Variants in SH2B2 observed in about 807,000 individuals in gnomAD.
The protein encoded by SH2B2 is SH2B adaptor protein 2, also known as SH2B adapter protein 2.
Under a neutral mutation model 35.7 loss-of-function variants are expected in SH2B2, and 37 were observed. The ratio of observed to expected loss-of-function variants is 1.04; its 90% CI spans 0.80 to 1.36. The LOEUF (loss-of-function observed/expected upper bound fraction) is 1.36, where lower values mean the gene tolerates loss of function less well. Among genes scored for constraint, SH2B2 ranks in the 40% most tolerant of loss-of-function variants. The probability of loss-of-function intolerance (pLI) is 0.00; values close to 1 mark genes in which losing one functional copy is unlikely to be tolerated. For synonymous variants in SH2B2, 383 were observed against 376.4 expected (o/e 1.02, Z -0.20); for missense variants, 852 against 817.7 (o/e 1.04, Z -0.51).
chr7:102,290,405 C>T (rs1792632386), intron 1 of SH2B2, among the ~76,000 whole-genome samples: 1 of 152,150 alleles, frequency 6.6e-6, no homozygotes, highest in African/African-American at 2.4e-5. Flanking sequence ...GCTGGGGTTA[C>T]AGGTGTGCAC....
Position 102,300,927 on chromosome 7 carries a change from C to A in SH2B2, c.377C>A (p.Ala126Asp). The A allele has an allele frequency of 6.7e-7, 1 of 1,486,366 alleles. No homozygotes were observed. The highest frequency in any genetic ancestry group is 8.9e-7 in the Non-Finnish European group (1 of 1,121,768). 92.1% of individuals were successfully genotyped at this position (1,486,366 alleles called of 1,614,324 possible). The change falls in exon 2 of 9, where the codon GCC becomes GAC. Residue 126 changes from alanine to aspartate, a missense_variant. Physicochemically the swap from Ala to Asp is moderately radical, Grantham distance 126. Coordinates refer to ENST00000444095, the MANE Select transcript of SH2B2 (RefSeq NM_001359228.2). ...TCGGAGGACGTGTCCACGCACGCGG[C>A]CACCAAGGCCCGCGTTCGCAAGGGC... ...RSSEDVSTHA[A>D]TKARVRKGFS...
chr7:102,318,554 G>A (rs539556865), intron 7 of SH2B2, among the ~76,000 whole-genome samples: 11 of 152,290 alleles, frequency 7.2e-5, no homozygotes, highest in Admixed American at 4.6e-4. Flanking sequence ...CCAGGTTTCC[G>A]ATAAGGAAAC....
chr7:102,292,303 G>A (rs1792702356), intron 1 of SH2B2, among the ~76,000 whole-genome samples: 1 of 152,106 alleles, frequency 6.6e-6, no homozygotes, highest in Admixed American at 6.6e-5. Flanking sequence ...AGCTGAGGTG[G>A]GCGGATCACC....
intron 1 of SH2B2, among the ~76,000 whole-genome samples, chr7:102,299,197 C>CTTTTTTTTGTTTTTTTT (rs1793047918): frequency 4.1e-5 from 1 of 24,630 alleles, no homozygotes; most frequent in Non-Finnish European, 6.9e-5. Flanking sequence ...CCGCGCCTGG[C>CTTTTTTTTGTTTTTTTT]TTTTTTTTTT....
Position 102,300,661 on chromosome 7 carries a change from C to T in SH2B2, c.111C>T (p.Asp37=). Reference sequence around the variant, plus strand: ...TGCATGCGCAGGCGGCCGCCGTGGACTTTGCGCACAAGTTCTGCCGTTTCC... The same window carrying T: ...TGCATGCGCAGGCGGCCGCCGTGGATTTTGCGCACAAGTTCTGCCGTTTCC... ...CELHAQAAAV[D]FAHKFCRFLR... The change falls in exon 2 of 9, where the codon GAC becomes GAT. Residue 37 remains aspartate, a synonymous_variant. Coordinates refer to ENST00000444095, the MANE Select transcript of SH2B2 (RefSeq NM_001359228.2). 6.5e-7 allele frequency: 1 copy of T among 1,549,398 alleles called. No homozygotes were observed. The highest frequency in any genetic ancestry group is 2.4e-5 in the East Asian group (1 of 40,906).
At chr7:102,289,636 G>A (rs996497195) in intron 1 of SH2B2, among the ~76,000 whole-genome samples, 1 of 152,132 alleles carries the variant, frequency 6.6e-6, no homozygotes, top group African/African-American at 2.4e-5. Flanking sequence ...TCTTAGGGGT[G>A]CCACCAGAGG....
chr7:102,301,855 G>T (rs566486191), intron 2 of SH2B2, among the ~76,000 whole-genome samples: 1 of 152,058 alleles, frequency 6.6e-6, no homozygotes, highest in South Asian at 2.1e-4. Context: ...ACAGTCGTGA[G>T]CCACCATGTC....
At chr7:102,286,755 T>TGGGGGCAGGA (rs1554550897), upstream of SH2B2, 6 of 105,332 alleles carry the variant, frequency 5.7e-5, no homozygotes, top group Middle Eastern at 5.3e-3. Context: ...GCGGCGCAAG[T>TGGGGGCAGGA]GGGGGCGGGA....
At chr7:102,299,196 G>GTTTTTTTTTTTTTTTTTTTTTTT (rs1793046884) in intron 1 of SH2B2, among the ~76,000 whole-genome samples, 1 of 29,132 alleles carries the variant, frequency 3.4e-5, no homozygotes, top group Non-Finnish European at 6.2e-5. Context: ...ACCGCGCCTG[G>GTTTTTTTTTTTTTTTTTTTTTTT]CTTTTTTTTT....
chr7:102,295,316 G>C (rs1355822212), intron 1 of SH2B2, among the ~76,000 whole-genome samples: 3 of 152,218 alleles, frequency 2.0e-5, no homozygotes, highest in Admixed American at 6.5e-5. Flanking sequence ...ATGGTATAGA[G>C]AGAGAGGTGG....
Position 102,304,365 on chromosome 7 carries a change from T to C in SH2B2, c.730-2356T>C, listed in dbSNP as rs1793311651. 2.0e-5 allele frequency among the ~76,000 whole-genome samples: 3 copies of C among 152,082 alleles called. No homozygotes were observed. In the South Asian group the frequency reaches 6.2e-4, roughly 31 times the overall value. Reference sequence around the variant, plus strand: ...TGAACCCCAGGTCCCCTCATTGCCCTATGCCAGGCCAAGCCCTGGGGACCC... The same window carrying C: ...TGAACCCCAGGTCCCCTCATTGCCCCATGCCAGGCCAAGCCCTGGGGACCC... On this transcript the variant is annotated intron_variant, in intron 2 of 8. Coordinates refer to ENST00000444095, the MANE Select transcript of SH2B2 (RefSeq NM_001359228.2).
rs1554556815 is a variant in SH2B2 at position 102,315,643 on chromosome 7, G to A, written c.1186+961G>A. On this transcript the variant is annotated intron_variant, in intron 6 of 8. Coordinates refer to ENST00000444095, the MANE Select transcript of SH2B2 (RefSeq NM_001359228.2). The stretch of plus-strand genomic sequence containing the variant: ...TGTAGTCCCAGCTACTTGGGAGGCC[G>A]AGGTGGGAGGATCACTTGAGCCCAG... Among the ~76,000 whole-genome samples, 7 of 151,000 alleles carry A rather than the reference G, an allele frequency of 4.6e-5. No individual in the cohort carries two copies. In the South Asian group the frequency reaches 6.3e-4, roughly 14 times the overall value.
Position 102,300,702 on chromosome 7 carries a change from C to G in SH2B2, c.152C>G (p.Ala51Gly). 6.5e-7 allele frequency: 1 copy of G among 1,542,460 alleles called. No homozygotes were observed. Among genetic ancestry groups the G allele is most frequent in the Non-Finnish European group, 8.8e-7 (1 of 1,141,140 alleles). Residue 51 changes from alanine to glycine, a missense_variant, in exon 2 of 9, where the codon GCT becomes GGT. Physicochemically the swap from Ala to Gly is moderately conservative, Grantham distance 60 (BLOSUM62 0). Around this residue, in one of 3 missense-constraint regions of SH2B2, gnomAD observed 294 missense variants for 286.6 expected, o/e 1.03. Transcript: ENST00000444095. Reference sequence around the variant, plus strand: ...TGCCGTTTCCTGCGGGACAACCCAGCTTACGACACGCCCGACGCCGGCGCC... The same window carrying G: ...TGCCGTTTCCTGCGGGACAACCCAGGTTACGACACGCCCGACGCCGGCGCC... ...KFCRFLRDNP[A>G]YDTPDAGASF...
intron 2 of SH2B2, among the ~76,000 whole-genome samples, chr7:102,303,236 G>A (rs935971797): frequency 2.0e-5 from 3 of 151,454 alleles, no homozygotes; most frequent in African/African-American, 7.3e-5. Flanking sequence ...AAAAAAATCC[G>A]ATCTAATGAT....
rs868954941 is a variant in SH2B2, at chr7:102,320,647, G to T, written c.1567+145G>T. The T allele has an allele frequency of 1.3e-5, 15 of 1,112,164 alleles. 1 individual carries two copies. The Middle Eastern group carries it at 6.6e-4, about 49-fold the overall frequency. The allele number at this position is 1,112,164 out of a possible 1,614,324, so 68.9% of individuals were successfully genotyped here. On this transcript the variant is annotated intron_variant, in intron 8 of 8. Transcript: ENST00000444095. ...TCCCTCCCACCCTAGCCTAGCCACA[G>T]CAATTTCAAGCAGTCACGTCATAAG...
Position 102,321,405 on chromosome 7 carries a change from CTCGCCCTCCG to C in SH2B2, c.1675_1684del (p.Ser559ThrfsTer86). 1 of 1,362,986 alleles carries C rather than the reference CTCGCCCTCCG, an allele frequency of 7.3e-7. No homozygotes were observed. Among genetic ancestry groups the C allele is most frequent in the Non-Finnish European group, 9.5e-7 (1 of 1,056,690 alleles). 84.4% of individuals were successfully genotyped at this position (1,362,986 alleles called of 1,614,324 possible). ...TCGCCGCGGCCGCCTGCCCGCCTGC[CTCGCCCTCCG>C]ACGCCGCCGGCGCCTCCTCGTCTTC... On this transcript the variant is annotated frameshift_variant, in exon 9 of 9. Transcript: ENST00000444095. LOFTEE classifies it low-confidence loss of function (END_TRUNC).
chr7:102,312,106 G>A (rs1258940142), intron 4 of SH2B2, among the ~76,000 whole-genome samples: 1 of 151,488 alleles, frequency 6.6e-6, no homozygotes, highest in Non-Finnish European at 1.5e-5. Flanking sequence ...AGGCATGGTG[G>A]CTCATGCCTG....
chr7:102,294,916 G>T (rs1181518393), intron 1 of SH2B2, among the ~76,000 whole-genome samples: 1 of 152,208 alleles, frequency 6.6e-6, no homozygotes, highest in Non-Finnish European at 1.5e-5. Flanking sequence ...GTGGCCTGCA[G>T]GGTTAGGTAG....
chr7:102,312,339 C>A (rs1293446532), intron 4 of SH2B2, among the ~76,000 whole-genome samples: 2 of 152,184 alleles, frequency 1.3e-5, no homozygotes, highest in Non-Finnish European at 2.9e-5. Context: ...CACACCACTG[C>A]ACTCCAGCCT....
Sources: allele counts gnomAD v4.1 joint callset (sites outside exome capture counted in the v4.1 genomes callset), GRCh38; gene constraint gnomAD v4.1.1; regional missense constraint gnomAD v4.1.1; transcripts MANE v1.5; gene names NCBI Gene and HGNC (gene_info 2026-07-23, HGNC 2026-07-21).